The following CLPB variants were observed in gnomAD, a reference collection of about 807,000 sequenced individuals.
The protein encoded by CLPB is mitochondrial disaggregase.
In CLPB, 40 loss-of-function variants were observed where a neutral mutation model predicts 78.4. The ratio of observed to expected loss-of-function variants is 0.51; its 90% CI spans 0.40 to 0.66. The LOEUF is 0.66. CLPB is among the 30% of genes least tolerant of loss of function. The pLI is 0.00. For missense variants in CLPB, 780 were observed against 886.9 expected (o/e 0.88, Z 1.53); for synonymous variants, 333 against 348.0 (o/e 0.96, Z 0.48).
chr11:72,413,863 G>T (rs1855949393), intron 2 of CLPB, among the ~76,000 whole-genome samples: 1 of 152,196 alleles, frequency 6.6e-6, no homozygotes, highest in South Asian at 2.1e-4. Context: ...CTGAGGACTG[G>T]TTATTACAGG....
intron 2 of CLPB, among the ~76,000 whole-genome samples, chr11:72,427,554 A>C (rs1257782670): frequency 1.3e-5 from 2 of 152,200 alleles, no homozygotes; most frequent in Non-Finnish European, 2.9e-5. Context: ...TCTCAACATC[A>C]TAGTGCAACA....
At chr11:72,335,376 TAC>T (rs1950301450) in intron 5 of CLPB, among the ~76,000 whole-genome samples, 1 of 152,210 alleles carries the variant, frequency 6.6e-6, no homozygotes, top group African/African-American at 2.4e-5. Flanking sequence ...TACTCCCTTC[TAC>T]TACATCTCAA....
intron 6 of CLPB, among the ~76,000 whole-genome samples, chr11:72,322,538 A>G (rs1950062558): frequency 6.6e-6 from 1 of 152,244 alleles, no homozygotes; most frequent in South Asian, 2.1e-4. Context: ...GTGAAAGGCT[A>G]GCCAGTGGAG....
At chr11:72,393,375 CAATATT>C (rs1350992161) in intron 3 of CLPB, among the ~76,000 whole-genome samples, 1 of 152,170 alleles carries the variant, frequency 6.6e-6, no homozygotes. Flanking sequence ...AAAGAAAAAA[CAATATT>C]AATAACAGCA....
chr11:72,294,570 C>T (rs771333751), intron 13 of CLPB, 50 bp downstream of exon 13: 1 of 1,606,196 alleles, frequency 6.2e-7, no homozygotes, highest in Non-Finnish European at 8.5e-7. Flanking sequence ...CTAAGATCAC[C>T]CTCCCCCAAC....
Position 72,286,223 on chromosome 11 carries a change from G to GTTTTTTTGTTTTTT in CLPB, c.*7143_*7144insAAAAAACAAAAAAA, listed in dbSNP as rs1949386685. ...ATTACAGGTGTGAGATACTGCACCTGTTTTTTTTTTTTTTTTTTTTTTTAA... is the reference window on the plus strand; with the variant it reads ...ATTACAGGTGTGAGATACTGCACCTGTTTTTTTGTTTTTTTTTTTTTTTTTTTTTTTTTTTTTAA... On this transcript the variant is annotated 3_prime_UTR_variant, in exon 16 of 16. Coordinates refer to ENST00000538039, the MANE Select transcript of CLPB (RefSeq NM_001258392.3). The GTTTTTTTGTTTTTT allele has an allele frequency of 1.7e-5, 1 of 60,450 alleles. No individual in the cohort carries two copies. Among genetic ancestry groups the GTTTTTTTGTTTTTT allele is most frequent in the Admixed American group, 1.9e-4 (1 of 5,242 alleles). 3.7% of individuals were successfully genotyped at this position (60,450 alleles called of 1,614,324 possible).
Position 72,308,585 on chromosome 11 carries a change from A to G in CLPB, c.1008T>C (p.Asn336=). Residue 336 remains asparagine (N), a synonymous_variant, in exon 8 of 16, where the codon AAT becomes AAC. Coordinates refer to ENST00000538039, the MANE Select transcript of CLPB (RefSeq NM_001258392.3). ...TVGAAIRRKE[N]GWYDEEHPLV... The stretch of plus-strand genomic sequence containing the variant: ...GAGGGTGTTCTTCATCGTACCAGCC[A>G]TTCTCCTTCCTCCGGATCGCTACGG... 6.2e-7 allele frequency: 1 copy of G among 1,614,186 alleles called. No individual in the cohort carries two copies.
intron 4 of CLPB, 125 bp downstream of exon 4, chr11:72,380,156 T>G: frequency 1.4e-6 from 1 of 717,462 alleles, no homozygotes; most frequent in East Asian, 2.7e-5. Flanking sequence ...TCTCCATGAG[T>G]CCACAGAGGT....
chr11:72,350,303 A>G (rs1697162258), intron 5 of CLPB, among the ~76,000 whole-genome samples: 1 of 152,152 alleles, frequency 6.6e-6, no homozygotes, highest in African/African-American at 2.4e-5. Context: ...TGACTAATGG[A>G]CATCCCTCTC....
intron 2 of CLPB, among the ~76,000 whole-genome samples, chr11:72,405,790 TG>T (rs1241194796): frequency 1.3e-5 from 2 of 151,972 alleles, no homozygotes; most frequent in Admixed American, 6.6e-5. Flanking sequence ...TAGCCGGGCG[TG>T]GTGGCAGGCA....
intron 8 of CLPB, among the ~76,000 whole-genome samples, chr11:72,307,484 A>G (rs1243222340): frequency 1.3e-5 from 2 of 152,182 alleles, no homozygotes; most frequent in Non-Finnish European, 2.9e-5. Flanking sequence ...ATTGGGATTG[A>G]GGCCTTTTCT....
chr11:72,357,700 G>GA (rs747456359), intron 5 of CLPB, among the ~76,000 whole-genome samples: 2,764 of 43,470 alleles, frequency 0.064, 134 homozygotes, highest in African/African-American at 0.14. Context: ...CCGTGTCCCA[G>GA]AAAAAAAAAA....
intron 7 of CLPB, among the ~76,000 whole-genome samples, chr11:72,316,155 C>T: frequency 6.6e-6 from 1 of 152,182 alleles, no homozygotes; most frequent in East Asian, 1.9e-4. Context: ...CCAGGTAGGG[C>T]CTTCCTGGGG....
At chr11:72,338,594 C>T (rs1950363116) in intron 5 of CLPB, among the ~76,000 whole-genome samples, 1 of 152,216 alleles carries the variant, frequency 6.6e-6, no homozygotes, top group Non-Finnish European at 1.5e-5. Flanking sequence ...TTATGTTCTG[C>T]AGACTCGGGT....
intron 7 of CLPB, among the ~76,000 whole-genome samples, chr11:72,310,572 G>A (rs1002461071): frequency 5.3e-5 from 8 of 152,202 alleles, no homozygotes; most frequent in Non-Finnish European, 1.0e-4. Context: ...AACGGCAAAG[G>A]CTAGACTTGT....
chr11:72,389,553 T>G (rs1855185131), intron 3 of CLPB, among the ~76,000 whole-genome samples: 1 of 152,156 alleles, frequency 6.6e-6, no homozygotes, highest in African/African-American at 2.4e-5. Context: ...GCCACTCAAT[T>G]ATGTTTTTCT....
At chr11:72,409,525 A>G (rs1163326708) in intron 2 of CLPB, among the ~76,000 whole-genome samples, 1 of 152,094 alleles carries the variant, frequency 6.6e-6, no homozygotes, top group Non-Finnish European at 1.5e-5. Flanking sequence ...CAGAGGTTGC[A>G]GAGAGCTGAG....
chr11:72,375,267 CA>C (rs1854651832), intron 4 of CLPB, among the ~76,000 whole-genome samples: 1 of 152,158 alleles, frequency 6.6e-6, no homozygotes, highest in Non-Finnish European at 1.5e-5. Context: ...ATCTAAAATG[CA>C]AGTGTGAATT....
intron 5 of CLPB, among the ~76,000 whole-genome samples, chr11:72,339,919 T>C (rs1590815733): frequency 6.6e-6 from 1 of 152,340 alleles, no homozygotes; most frequent in East Asian, 1.9e-4. Context: ...CTACTGGCTG[T>C]GAGAATGTAA....
Sources: allele counts gnomAD v4.1 joint callset (sites outside exome capture counted in the v4.1 genomes callset), GRCh38; gene constraint gnomAD v4.1.1; transcripts MANE v1.5; gene names NCBI Gene and HGNC (gene_info 2026-07-23, HGNC 2026-07-21).